The following BTAF1 variants were observed in gnomAD, a reference collection of about 807,000 sequenced individuals.
BTAF1 encodes B-TFIID TATA-box binding protein associated factor 1.
A neutral mutation model predicts 227.1 loss-of-function variants in BTAF1; 38 were observed. The ratio of observed to expected loss-of-function variants is 0.17; its 90% confidence interval spans 0.13 to 0.22. BTAF1 has a LOEUF of 0.22. Among genes scored for constraint, BTAF1 ranks in the 10% least tolerant of loss-of-function variants. The pLI is 1.00. For synonymous variants in BTAF1, 742 were observed against 751.9 expected, an observed-to-expected ratio of 0.99 and a Z score of 0.21; for missense variants, 1,598 against 2,204.0, an observed-to-expected ratio of 0.73 and a Z score of 5.51.
intron 25 of BTAF1, among the ~76,000 whole-genome samples, chr10:92,001,960 A>G (rs1050807783): frequency 1.8e-5 from 2 of 112,812 alleles, no homozygotes; most frequent in Admixed American, 1.0e-4. Context: ...AAAAAAAAAA[A>G]AAAAAAACCA....
At chr10:91,970,668 G>A (rs1450517725) in intron 14 of BTAF1, among the ~76,000 whole-genome samples, 1 of 152,110 alleles carries the variant, frequency 6.6e-6, no homozygotes, top group Non-Finnish European at 1.5e-5. Flanking sequence ...ATTTGGATGG[G>A]GACACAGAGC....
intron 37 of BTAF1, among the ~76,000 whole-genome samples, chr10:92,028,489 CTG>C: frequency 6.6e-6 from 1 of 152,136 alleles, no homozygotes; most frequent in Non-Finnish European, 1.5e-5. Flanking sequence ...AGAGAAAAAA[CTG>C]ATATCTAACT....
At chr10:91,936,371 G>C (rs1157073567) in intron 2 of BTAF1, among the ~76,000 whole-genome samples, 1 of 152,194 alleles carries the variant, frequency 6.6e-6, no homozygotes, top group East Asian at 1.9e-4. Context: ...TTGTATAGGA[G>C]GAGGGGAGTT....
intron 19 of BTAF1, among the ~76,000 whole-genome samples, chr10:91,985,993 C>T (rs1211571528): frequency 1.3e-5 from 2 of 149,516 alleles, no homozygotes; most frequent in African/African-American, 4.9e-5. Flanking sequence ...TGTTTTCTTT[C>T]ATGGCTATTA....
At position 91,956,642 on chromosome 10, in the gene BTAF1, T is replaced by G; in HGVS notation, c.816T>G (p.Ser272=). 1 of 1,610,270 alleles carries G rather than the reference T, an allele frequency of 6.2e-7. No individual in the cohort carries two copies. The highest frequency in any genetic ancestry group is 8.5e-7 in the Non-Finnish European group (1 of 1,178,854). ...KVLIDNIPDS[S]SLIEETNEWP... ...TGATTGATAATATTCCAGACAGCTC[T>G]TCCTTAATTGAAGAGGTACTCTTGA... The change falls in exon 7 of 38, where the codon TCT becomes TCG. Residue 272 remains serine (S), a synonymous_variant. Coordinates refer to ENST00000265990, the MANE Select transcript of BTAF1 (RefSeq NM_003972.3).
intron 11 of BTAF1, among the ~76,000 whole-genome samples, 185 bp from the exon 12 acceptor site, chr10:91,962,353 A>G (rs1345840340): frequency 6.6e-6 from 1 of 152,104 alleles, no homozygotes; most frequent in Non-Finnish European, 1.5e-5. Flanking sequence ...GTGTAAGTAC[A>G]CTCTATAATG....
chr10:91,986,245 C>T (rs951710089), intron 19 of BTAF1, among the ~76,000 whole-genome samples: 1 of 152,096 alleles, frequency 6.6e-6, no homozygotes, highest in African/African-American at 2.4e-5. Context: ...GCACCTTTGT[C>T]AAAAACCAAC....
intron 25 of BTAF1, among the ~76,000 whole-genome samples, 175 bp from the exon 26 acceptor site, chr10:92,007,948 A>T (rs897136577): frequency 6.6e-6 from 1 of 152,232 alleles, no homozygotes; most frequent in African/African-American, 2.4e-5. Flanking sequence ...TGTATTTACT[A>T]GTAGACTAAT....
At chr10:91,928,384 G>A (rs190894683) in intron 1 of BTAF1, among the ~76,000 whole-genome samples, 7 of 152,188 alleles carry the variant, frequency 4.6e-5, no homozygotes, top group Non-Finnish European at 1.0e-4. Context: ...GTCAAATCCA[G>A]TGAAATATCA....
intron 5 of BTAF1, among the ~76,000 whole-genome samples, chr10:91,952,283 G>C (rs1202365021): frequency 6.6e-6 from 1 of 152,018 alleles, no homozygotes; most frequent in Non-Finnish European, 1.5e-5. Flanking sequence ...ACAGCTTCAT[G>C]CTGTTTTGTT....
In BTAF1 at chr10:91,992,260, C is replaced by T; in HGVS notation, c.2996C>T (p.Ala999Val). 6.2e-7 allele frequency: 1 copy of T among 1,613,194 alleles called. No homozygotes were observed. The highest frequency in any genetic ancestry group is 1.1e-5 in the South Asian group (1 of 90,968). The change falls in exon 21 of 38, where the codon GCA (alanine) becomes GTA (valine). Residue 999 changes from alanine to valine, a missense_variant. This residue lies in a region of BTAF1 where 425 missense variants were observed against 491.2 expected (regional missense o/e 0.87). Coordinates refer to ENST00000265990, the MANE Select transcript of BTAF1 (RefSeq NM_003972.3). Reference protein sequence around the residue: ...PTPKAVKAQIADLPAGSSGNI... With the variant: ...PTPKAVKAQIVDLPAGSSGNI... ...CCCAAAGCAGTAAAAGCTCAAATAG[C>T]AGATCTTCCTGCAGGAAGTAGTGGA...
In BTAF1 at chr10:91,984,451, T is replaced by C. The variant is rs767308324; in HGVS notation, c.2427+47T>C. ...TTAATTAGAGATAGAACATGAAATATAGGTTAGAAATTTGTCATGACATGT... is the reference window on the plus strand; with the variant it reads ...TTAATTAGAGATAGAACATGAAATACAGGTTAGAAATTTGTCATGACATGT... On this transcript the variant is annotated intron_variant, in intron 19 of 37. Transcript: ENST00000265990. 19 of 1,481,512 alleles carry C rather than the reference T, an allele frequency of 1.3e-5. No homozygotes were observed. In the East Asian group the frequency reaches 3.8e-4, roughly 30 times the overall value. 91.8% of individuals were successfully genotyped at this position (1,481,512 alleles called of 1,614,324 possible).
At position 91,923,771 on chromosome 10, in the gene BTAF1, G is replaced by C. The variant is rs1589717403; in HGVS notation, c.-306G>C. ...GTCACTTCCGGCGCGCTGACGCTCA[G>C]TTGTGCGTGCCGACGCCCGCGTCAG... On this transcript the variant is annotated 5_prime_UTR_variant, in exon 1 of 38. Coordinates refer to ENST00000265990, the MANE Select transcript of BTAF1 (RefSeq NM_003972.3). 7.8e-6 allele frequency: 3 copies of C among 385,060 alleles called. No homozygotes were observed. In the East Asian group the frequency reaches 1.2e-4, roughly 15 times the overall value. The allele number at this position is 385,060 out of a possible 1,614,324, so 23.9% of individuals were successfully genotyped here.
chr10:91,992,439 C>A, intron 21 of BTAF1, 130 bp downstream of exon 21: 2 of 853,810 alleles, frequency 2.3e-6, no homozygotes, highest in Non-Finnish European at 1.7e-6. Flanking sequence ...TTTTGGAGTA[C>A]TCCAACAATA....
rs61016323 is a variant in BTAF1, at chr10:92,030,757, A to G, written c.*1824A>G. Among the ~76,000 whole-genome samples the G allele has an allele frequency of 5.7e-3, 864 of 152,328 alleles. 5 individuals are homozygous for G. The highest frequency in any genetic ancestry group is 0.02 in the African/African-American group (830 of 41,590). ...GTGTGGTTGCTTCTGAATGGGAAAC[A>G]GGAGTCAGAGCTGACAGGAAAACTT... On this transcript the variant is annotated 3_prime_UTR_variant, in exon 38 of 38. Transcript: ENST00000265990.
At chr10:91,956,101 T>G (rs1319611442) in intron 6 of BTAF1, among the ~76,000 whole-genome samples, 1 of 152,214 alleles carries the variant, frequency 6.6e-6, no homozygotes, top group Non-Finnish European at 1.5e-5. Flanking sequence ...CTCCATATTT[T>G]TCAAGAACTG....
intron 25 of BTAF1, 75 bp from the exon 26 acceptor site, chr10:92,008,048 G>A: frequency 7.6e-7 from 1 of 1,313,454 alleles, no homozygotes; most frequent in South Asian, 1.4e-5. Context: ...CTGTGTGTTT[G>A]TTTTGTGTTT....
chr10:92,016,661 A>G (rs934542179), intron 33 of BTAF1, among the ~76,000 whole-genome samples, 196 bp downstream of exon 33: 2 of 152,062 alleles, frequency 1.3e-5, no homozygotes, highest in African/African-American at 4.8e-5. Flanking sequence ...TTTCTAGTAG[A>G]GATGGAGTTT....
chr10:91,964,944 A>G (rs1300095202), intron 13 of BTAF1, among the ~76,000 whole-genome samples: 1 of 152,284 alleles, frequency 6.6e-6, no homozygotes, highest in African/African-American at 2.4e-5. Context: ...TGTCCTAGTG[A>G]GGGCGTTCAG....
Sources: gnomAD v4.1 joint callset for allele counts (sites outside exome capture counted in the v4.1 genomes callset) on GRCh38, gnomAD v4.1.1 for gene constraint, gnomAD v4.1.1 regional missense constraint, MANE v1.5 for transcripts, NCBI Gene and HGNC (gene_info 2026-07-23, HGNC 2026-07-21) for gene names.